NKAIN2: variants seen among roughly 807,000 people sequenced by gnomAD.
NKAIN2 encodes the protein sodium/potassium transporting ATPase interacting 2, also known as sodium/potassium-transporting ATPase subunit beta-1-interacting protein 2.
A neutral mutation model predicts 32.6 loss-of-function variants in NKAIN2; 14 were observed. The ratio of observed to expected loss-of-function variants is 0.43; its 90% CI spans 0.28 to 0.67. The LOEUF is 0.67. Among genes scored for constraint, NKAIN2 ranks in the 30% least tolerant of loss-of-function variants. The probability of loss-of-function intolerance (pLI) is 0.17; values close to 1 mark genes in which losing one functional copy is unlikely to be tolerated. For missense variants in NKAIN2, 198 were observed against 258.3 expected (o/e 0.77, Z 1.60); for synonymous variants, 80 against 87.2 (o/e 0.92, Z 0.46).
At chr6:124,127,259 C>A (rs181457755) in intron 1 of NKAIN2, among the ~76,000 whole-genome samples, 1 of 152,058 alleles carries the variant, frequency 6.6e-6, no homozygotes, top group Non-Finnish European at 1.5e-5. Flanking sequence ...GAACACAACA[C>A]GAGCATGTGT....
chr6:124,343,964 G>A (rs1348990507), intron 2 of NKAIN2, among the ~76,000 whole-genome samples: 1 of 150,914 alleles, frequency 6.6e-6, no homozygotes, highest in Non-Finnish European at 1.5e-5. Flanking sequence ...TATGGTTTTA[G>A]GTCTAAGGTT....
Position 124,303,972 on chromosome 6 carries a change from T to C in NKAIN2, c.192+20830T>C, listed in dbSNP as rs984017791. On this transcript the variant is annotated intron_variant, in intron 2 of 6. Transcript: ENST00000368417. Reference sequence around the variant, plus strand: ...GCTTGGGTAACCAAATGAGTGAAAATGCCATTTACTGTAGTGGGTGATGAA... The same window carrying C: ...GCTTGGGTAACCAAATGAGTGAAAACGCCATTTACTGTAGTGGGTGATGAA... Among the ~76,000 whole-genome samples the C allele has an allele frequency of 2.0e-5, 3 of 152,312 alleles. No individual in the cohort carries two copies. The South Asian group carries it at 6.2e-4, about 32-fold the overall frequency.
rs939054516 is a variant in NKAIN2, at chr6:124,021,575, G to A, written c.54+217321G>A. On this transcript the variant is annotated intron_variant, in intron 1 of 6. Transcript: ENST00000368417. ...TTTTCTAAAAGTGACTCAAAAAGAA[G>A]GCAACTTTTATATTCTTTTACCTTA... is the stretch of plus-strand genomic sequence containing the variant. Among the ~76,000 whole-genome samples, 49 of 151,862 alleles carry A rather than the reference G, an allele frequency of 3.2e-4. 1 individual carries two copies. Among genetic ancestry groups the A allele is most frequent in the African/African-American group, 1.2e-3 (49 of 41,482 alleles).
At chr6:123,935,919 T>C (rs1776485523) in intron 1 of NKAIN2, among the ~76,000 whole-genome samples, 1 of 152,046 alleles carries the variant, frequency 6.6e-6, no homozygotes, top group Non-Finnish European at 1.5e-5. Context: ...TCACTCTTTC[T>C]TTAGGGAAAA....
At chr6:123,910,590 G>A (rs1209229030) in intron 1 of NKAIN2, among the ~76,000 whole-genome samples, 1 of 130,942 alleles carries the variant, frequency 7.6e-6, no homozygotes, top group Non-Finnish European at 1.5e-5. Context: ...TGCAACCTCC[G>A]CCTCTCAGGT....
intron 3 of NKAIN2, among the ~76,000 whole-genome samples, chr6:124,641,697 G>GT: frequency 6.6e-6 from 1 of 151,428 alleles, no homozygotes; most frequent in South Asian, 2.1e-4. Context: ...GACTACAGGT[G>GT]TGCACCACCA....
At chr6:124,149,522 C>T (rs1421161983) in intron 1 of NKAIN2, among the ~76,000 whole-genome samples, 4 of 152,172 alleles carry the variant, frequency 2.6e-5, no homozygotes, top group African/African-American at 7.2e-5. Flanking sequence ...TGTTCGAGAA[C>T]CATTTGTTAA....
chr6:124,262,732 TG>T (rs1794309384), intron 1 of NKAIN2, among the ~76,000 whole-genome samples: 1 of 152,154 alleles, frequency 6.6e-6, no homozygotes, highest in Admixed American at 6.6e-5. Flanking sequence ...AAGGTCATTT[TG>T]GTGACATATG....
At chr6:124,729,770 T>C (rs1338243834) in intron 4 of NKAIN2, among the ~76,000 whole-genome samples, 3 of 151,578 alleles carry the variant, frequency 2.0e-5, no homozygotes, top group Non-Finnish European at 4.4e-5. Flanking sequence ...AGTCAAATTG[T>C]CCCTCTTTGC....
At chr6:124,734,604 ACCT>A (rs1233824254) in intron 4 of NKAIN2, among the ~76,000 whole-genome samples, 2 of 151,990 alleles carry the variant, frequency 1.3e-5, no homozygotes, top group East Asian at 3.9e-4. Flanking sequence ...TCCAGAAGGT[ACCT>A]CCTAAGAAAC....
intron 1 of NKAIN2, among the ~76,000 whole-genome samples, chr6:124,233,846 A>G (rs769638719): frequency 5.3e-5 from 8 of 152,174 alleles, no homozygotes; most frequent in Non-Finnish European, 1.0e-4. Flanking sequence ...ATGTGTGATC[A>G]CTATACTATA....
chr6:124,141,591 T>G (rs1013422817), intron 1 of NKAIN2, among the ~76,000 whole-genome samples: 2 of 151,910 alleles, frequency 1.3e-5, no homozygotes, highest in African/African-American at 4.8e-5. Flanking sequence ...TCTTGCTCAT[T>G]TTTTTTTCTC....
intron 1 of NKAIN2, among the ~76,000 whole-genome samples, chr6:124,112,067 T>C (rs1785411628): frequency 6.6e-6 from 1 of 152,148 alleles, no homozygotes; most frequent in Non-Finnish European, 1.5e-5. Context: ...TTTTAACTTT[T>C]ATGCTAGAAT....
intron 1 of NKAIN2, among the ~76,000 whole-genome samples, chr6:124,157,530 A>G (rs1456132388): frequency 6.6e-6 from 1 of 152,194 alleles, no homozygotes; most frequent in East Asian, 1.9e-4. Context: ...TTGAAATTAA[A>G]AAACCTCAAC....
At chr6:124,535,801 T>C (rs1005203886) in intron 3 of NKAIN2, among the ~76,000 whole-genome samples, 5 of 152,138 alleles carry the variant, frequency 3.3e-5, no homozygotes, top group African/African-American at 4.8e-5. Context: ...AGCCTGTAAG[T>C]TTCTCTCTTT....
chr6:124,585,554 T>C (rs2114949778), intron 3 of NKAIN2, among the ~76,000 whole-genome samples: 1 of 152,322 alleles, frequency 6.6e-6, no homozygotes, highest in East Asian at 1.9e-4. Context: ...ATGTACTCTG[T>C]AAATATATGC....
At chr6:124,280,423 G>T (rs1193191453) in intron 1 of NKAIN2, among the ~76,000 whole-genome samples, 1 of 152,082 alleles carries the variant, frequency 6.6e-6, no homozygotes, top group Admixed American at 6.5e-5. Context: ...AATAGAAAAG[G>T]TAAGGGCATA....
intron 2 of NKAIN2, among the ~76,000 whole-genome samples, chr6:124,288,300 T>G (rs1184240647): frequency 1.3e-5 from 2 of 152,178 alleles, no homozygotes; most frequent in African/African-American, 4.8e-5. Context: ...GAACTGCCTC[T>G]TAGAGGCACA....
At chr6:124,822,614 GGTTTGTAATT>G (rs1215556159) in intron 6 of NKAIN2, among the ~76,000 whole-genome samples, 3 of 152,028 alleles carry the variant, frequency 2.0e-5, no homozygotes, top group African/African-American at 7.2e-5. Flanking sequence ...GACTGTTCTT[GGTTTGTAATT>G]TTTCAGATGA....
Sources: gnomAD v4.1 joint callset for allele counts (sites outside exome capture counted in the v4.1 genomes callset) on GRCh38, gnomAD v4.1.1 for gene constraint, MANE v1.5 for transcripts, NCBI Gene and HGNC (gene_info 2026-07-23, HGNC 2026-07-21) for gene names.